Variants in MKRN1 observed in about 807,000 individuals in gnomAD.
MKRN1 encodes the protein makorin ring finger protein 1, also known as E3 ubiquitin-protein ligase makorin-1.
In MKRN1, 9 loss-of-function variants were observed where a neutral mutation model predicts 55.5. The observed-to-expected ratio is 0.16, with a 90% CI of 0.10 to 0.28. The LOEUF is 0.28. MKRN1 is among the 10% of genes least tolerant of loss of function. The pLI, the probability that MKRN1 is intolerant of heterozygous loss-of-function variation, is 1.00. For synonymous variants in MKRN1, 253 were observed against 235.9 expected, an observed-to-expected ratio of 1.07 and a Z score of -0.66; for missense variants, 488 against 626.7, an observed-to-expected ratio of 0.78 and a Z score of 2.36.
chr7:140,477,426 ACT>A (rs1204844710), intron 1 of MKRN1, among the ~76,000 whole-genome samples: 1 of 151,614 alleles, frequency 6.6e-6, no homozygotes, highest in Non-Finnish European at 1.5e-5. Flanking sequence ...GGTTCAAGCA[ACT>A]CCCTGCCTCA....
At chr7:140,461,846 G>A (rs1446678688) in intron 2 of MKRN1, among the ~76,000 whole-genome samples, 1 of 152,014 alleles carries the variant, frequency 6.6e-6, no homozygotes, top group Non-Finnish European at 1.5e-5. Flanking sequence ...AGCCAGGCAT[G>A]GTGGCGCATG....
At chr7:140,467,897 G>A (rs1794817321) in intron 2 of MKRN1, among the ~76,000 whole-genome samples, 1 of 151,626 alleles carries the variant, frequency 6.6e-6, no homozygotes, top group South Asian at 2.1e-4. Context: ...AGCTACTTGG[G>A]AGGCTGAGGC....
intron 1 of MKRN1, chr7:140,473,096 C>CAAAAAGAAAAAG (rs559356136): frequency 3.0e-5 from 10 of 331,404 alleles, no homozygotes; most frequent in African/African-American, 1.2e-4. Flanking sequence ...GACTCCATCT[C>CAAAAAGAAAAAG]AAAAAGAAAA....
rs755872480 is a variant in MKRN1, at chr7:140,454,554, T to C, written c.1412A>G (p.His471Arg). Reference sequence around the variant, plus strand: ...GTCATAAAAATCTTCCAGCTCATCATGAAACAAGTCCCACTCATCTTCAGA... The same window carrying C: ...GTCATAAAAATCTTCCAGCTCATCACGAAACAAGTCCCACTCATCTTCAGA... ...TDSEDEWDLF[H>R]DELEDFYDLD... The change falls in exon 8 of 8, where the codon CAT (histidine) becomes CGT (arginine). Residue 471 changes from histidine to arginine, a missense_variant. By Grantham distance (29) the His-to-Arg change is conservative. Around this residue, in one of 2 missense-constraint regions of MKRN1, gnomAD observed 278 missense variants for 406.7 expected, o/e 0.68. Coordinates refer to ENST00000255977, the MANE Select transcript of MKRN1 (RefSeq NM_013446.4). The C allele has an allele frequency of 6.8e-6, 11 of 1,613,030 alleles. No homozygotes were observed. The highest frequency in any genetic ancestry group is 9.3e-6 in the Non-Finnish European group (11 of 1,179,836).
chr7:140,463,628 G>A (rs1207619938), intron 2 of MKRN1, among the ~76,000 whole-genome samples: 4 of 152,094 alleles, frequency 2.6e-5, no homozygotes, highest in Non-Finnish European at 5.9e-5. Flanking sequence ...GCTCACGCCT[G>A]TAATCCCAGC....
intron 2 of MKRN1, among the ~76,000 whole-genome samples, chr7:140,465,877 C>A (rs756125970): frequency 6.6e-6 from 1 of 152,026 alleles, no homozygotes; most frequent in Admixed American, 6.6e-5. Flanking sequence ...GTCAGAAGAT[C>A]GAGACCATCC....
intron 6 of MKRN1, 136 bp from the exon 7 acceptor site, chr7:140,455,369 T>A: frequency 9.1e-7 from 1 of 1,097,648 alleles, no homozygotes; most frequent in Non-Finnish European, 1.3e-6. Flanking sequence ...TGTGTTCTTA[T>A]AAACATGTGT....
Position 140,479,314 on chromosome 7 carries a change from CTGT to C in MKRN1, c.28_30del (p.Thr10del). The stretch of plus-strand genomic sequence containing the variant: ...GCCGCTCCTGCTCCTGATGTTGTGG[CTGT>C]TGTTCCGGGAGTTGCAGCCTCCGCC... On this transcript the variant is annotated inframe_deletion, in exon 1 of 8. Coordinates refer to ENST00000255977, the MANE Select transcript of MKRN1 (RefSeq NM_013446.4). 7.6e-7 allele frequency: 1 copy of C among 1,321,470 alleles called. No homozygotes were observed. 81.9% of individuals were successfully genotyped at this position (1,321,470 alleles called of 1,614,324 possible). A position where few individuals can be genotyped will look rare whatever the true frequency, so the allele number is the denominator to read the frequency against.
chr7:140,479,413 G>C lies in MKRN1; in HGVS notation c.-69C>G, dbSNP rs1024970835. 2 of 1,254,734 alleles carry C rather than the reference G, an allele frequency of 1.6e-6. No individual in the cohort carries two copies. The highest frequency in any genetic ancestry group is 2.0e-6 in the Non-Finnish European group (2 of 994,608). 77.7% of individuals were successfully genotyped at this position (1,254,734 alleles called of 1,614,324 possible). A position where few individuals can be genotyped will look rare whatever the true frequency, so the allele number is the denominator to read the frequency against. The stretch of plus-strand genomic sequence containing the variant: ...CACATAGTTCCGGTCCGGCTGCGGG[G>C]AGAGGACGGCGAGGCCAGGCGAGGG... On this transcript the variant is annotated 5_prime_UTR_variant, in exon 1 of 8. Coordinates refer to ENST00000255977, the MANE Select transcript of MKRN1 (RefSeq NM_013446.4).
At chr7:140,477,382 T>C (rs1795154830) in intron 1 of MKRN1, among the ~76,000 whole-genome samples, 1 of 152,082 alleles carries the variant, frequency 6.6e-6, no homozygotes, top group Non-Finnish European at 1.5e-5. Context: ...AGTGAAGTGG[T>C]GTGATATTGG....
At position 140,459,950 on chromosome 7, in the gene MKRN1, C is replaced by A; in HGVS notation, c.315-14G>T. The A allele has an allele frequency of 6.2e-7, 1 of 1,606,374 alleles. No homozygotes were observed. Among genetic ancestry groups the A allele is most frequent in the Non-Finnish European group, 8.5e-7 (1 of 1,173,520 alleles). On this transcript the variant is annotated splice_polypyrimidine_tract_variant and intron_variant, in intron 2 of 7. Transcript: ENST00000255977. Reference sequence around the variant, plus strand: ...CTATGTTCATATCTAAGAAAAAATTCAAAAGTAAGCAGTCGGCCAGTCGTG... The same window carrying A: ...CTATGTTCATATCTAAGAAAAAATTAAAAAGTAAGCAGTCGGCCAGTCGTG...
rs774609263 is a variant in MKRN1, at chr7:140,454,224, A to T, written c.*293T>A. 7.6e-6 allele frequency: 3 copies of T among 396,544 alleles called. No individual in the cohort carries two copies. Among genetic ancestry groups the T allele is most frequent in the Non-Finnish European group, 1.4e-5 (3 of 210,122 alleles). 24.6% of individuals were successfully genotyped at this position (396,544 alleles called of 1,614,324 possible). On this transcript the variant is annotated 3_prime_UTR_variant, in exon 8 of 8. Transcript: ENST00000255977. ...AGTGTGTGAAAAGTCCATAAATGCA[A>T]TCTGGTTGAAAACAGATGACGCAAC...
At chr7:140,463,681 G>T (rs10238372) in intron 2 of MKRN1, among the ~76,000 whole-genome samples, 52 of 151,790 alleles carry the variant, frequency 3.4e-4, no homozygotes, top group East Asian at 2.4e-3. Flanking sequence ...GTCAGGAGAT[G>T]GAGACCATCC....
In MKRN1 at chr7:140,459,105, C is replaced by T. The variant is rs762850310; in HGVS notation, c.673G>A (p.Gly225Arg). The change falls in exon 4 of 8, where the codon GGG becomes AGG. Residue 225 changes from glycine (G) to arginine (R), a missense_variant. Gly to Arg is a moderately radical substitution (Grantham distance 125). Around this residue, in one of 2 missense-constraint regions of MKRN1, gnomAD observed 278 missense variants for 406.7 expected, o/e 0.68. Coordinates refer to ENST00000255977, the MANE Select transcript of MKRN1 (RefSeq NM_013446.4). The part of the protein sequence containing the change: ...PYAAVGECRY[G>R]ENCVYLHGDS... ...CCGTGGAGATACACACAGTTCTCCC[C>T]GTATCGGCACTCTCCCACTGCAGCA... is the stretch of plus-strand genomic sequence containing the variant. 1.2e-6 allele frequency: 2 copies of T among 1,613,956 alleles called. No homozygotes were observed. Among genetic ancestry groups the T allele is most frequent in the South Asian group, 1.1e-5 (1 of 91,070 alleles).
chr7:140,477,758 AGCCACCCC>A (rs1795169808), intron 1 of MKRN1, among the ~76,000 whole-genome samples: 1 of 152,212 alleles, frequency 6.6e-6, no homozygotes, highest in Non-Finnish European at 1.5e-5. Flanking sequence ...ACGCCGACCT[AGCCACCCC>A]GACAGGCCGG....
intron 1 of MKRN1, among the ~76,000 whole-genome samples, chr7:140,475,496 T>C (rs957314726): frequency 6.6e-6 from 1 of 150,810 alleles, no homozygotes; most frequent in African/African-American, 2.4e-5. Context: ...CCTGTCTCTA[T>C]CAAAAATGCA....
chr7:140,471,103 C>A lies in MKRN1; in HGVS notation c.314+780G>T, dbSNP rs184468420. On this transcript the variant is annotated intron_variant, in intron 2 of 7. Transcript: ENST00000255977. Reference sequence around the variant, plus strand: ...TTAACCTACTAAATTTGGGGATGGGCCAGTTTCTGGGGCTCATGCTTGTAA... The same window carrying A: ...TTAACCTACTAAATTTGGGGATGGGACAGTTTCTGGGGCTCATGCTTGTAA... Among the ~76,000 whole-genome samples the A allele has an allele frequency of 1.1e-4, 16 of 152,250 alleles. 1 individual carries two copies. Among genetic ancestry groups the A allele is most frequent in the Admixed American group, 1.0e-3 (16 of 15,270 alleles).
chr7:140,470,575 G>C (rs1379308990), intron 2 of MKRN1, among the ~76,000 whole-genome samples: 1 of 145,944 alleles, frequency 6.9e-6, no homozygotes, highest in Non-Finnish European at 1.5e-5. Context: ...ACAAGAGCAA[G>C]ACTCCATCCT....
chr7:140,477,974 G>A (rs1795175663), intron 1 of MKRN1, among the ~76,000 whole-genome samples: 1 of 152,262 alleles, frequency 6.6e-6, no homozygotes, highest in African/African-American at 2.4e-5. Context: ...ATCCCATTAT[G>A]TAAAATAATT....
Sources: allele counts gnomAD v4.1 joint callset (sites outside exome capture counted in the v4.1 genomes callset), GRCh38; gene constraint gnomAD v4.1.1; regional missense constraint gnomAD v4.1.1; transcripts MANE v1.5; gene names NCBI Gene and HGNC (gene_info 2026-07-23, HGNC 2026-07-21).